TINAG: variants seen among roughly 807,000 people sequenced by gnomAD.
The protein encoded by TINAG is tubulointerstitial nephritis antigen.
A neutral mutation model predicts 72.7 loss-of-function variants in TINAG; 83 were observed. The ratio of observed to expected loss-of-function variants is 1.14; its 90% confidence interval spans 0.96 to 1.37. The LOEUF (loss-of-function observed/expected upper bound fraction) is 1.37. TINAG is among the 40% of genes most tolerant of loss of function. The pLI is 0.00. For synonymous variants in TINAG, 234 were observed against 189.9 expected, an observed-to-expected ratio of 1.23 and a Z score of -1.91; for missense variants, 685 against 576.6, an observed-to-expected ratio of 1.19 and a Z score of -1.93.
Position 54,338,915 on chromosome 6 carries a change from AT to A in TINAG, c.625-4307del, listed in dbSNP as rs1784933150. Among the ~76,000 whole-genome samples the A allele has an allele frequency of 3.9e-5, 6 of 152,006 alleles. No homozygotes were observed. The South Asian group carries it at 1.2e-3, about 31-fold the overall frequency. On this transcript the variant is annotated intron_variant, in intron 4 of 10. Transcript: ENST00000259782. ...ACACTGCAGTGAAGACAAAAATCTA[AT>A]TTTCAAAACCGGTGTTTCTCAGAAC...
At chr6:54,386,050 C>T (rs1224887179) in intron 10 of TINAG, among the ~76,000 whole-genome samples, 2 of 151,868 alleles carry the variant, frequency 1.3e-5, no homozygotes, top group Admixed American at 6.6e-5. Context: ...CGCCACCACA[C>T]CTGGCTAATA....
chr6:54,376,757 C>A (rs1415008859), intron 9 of TINAG, among the ~76,000 whole-genome samples: 1 of 152,092 alleles, frequency 6.6e-6, no homozygotes, highest in Non-Finnish European at 1.5e-5. Flanking sequence ...ATACCTTACT[C>A]TGCAGGAACT....
In TINAG at chr6:54,308,684, C is replaced by T. The variant is rs1307511143; in HGVS notation, c.134C>T (p.Thr45Ile). ...AGGAATCACACCGTTTTGCAAGGTA[C>T]TCGATTCAAAAGAGCCATTTTCCAA... The part of the protein sequence containing the change: ...FTRNHTVLQG[T>I]RFKRAIFQGQ... The change falls in exon 1 of 11, where the codon ACT (threonine) becomes ATT (isoleucine). Residue 45 changes from threonine (T) to isoleucine (I), a missense_variant. Transcript: ENST00000259782. 1.2e-6 allele frequency: 2 copies of T among 1,613,682 alleles called. No individual in the cohort carries two copies. Among genetic ancestry groups the T allele is most frequent in the East Asian group, 2.2e-5 (1 of 44,874 alleles).
At chr6:54,344,910 A>C (rs1346886822) in intron 5 of TINAG, among the ~76,000 whole-genome samples, 2 of 152,210 alleles carry the variant, frequency 1.3e-5, no homozygotes, top group Admixed American at 6.6e-5. Flanking sequence ...GATCTAAAAA[A>C]TTACGTCGAG....
chr6:54,387,154 A>C (rs1764121165), intron 10 of TINAG, among the ~76,000 whole-genome samples: 1 of 152,200 alleles, frequency 6.6e-6, no homozygotes, highest in Non-Finnish European at 1.5e-5. Context: ...CCATGTGAAA[A>C]GATGGTCAAT....
At chr6:54,382,761 A>C (rs1763988537) in intron 10 of TINAG, among the ~76,000 whole-genome samples, 1 of 152,130 alleles carries the variant, frequency 6.6e-6, no homozygotes, top group Admixed American at 6.6e-5. Context: ...TTGTCTACAC[A>C]GGTAGCAGTG....
At chr6:54,385,164 CA>C (rs941618583) in intron 10 of TINAG, among the ~76,000 whole-genome samples, 176 of 148,554 alleles carry the variant, frequency 1.2e-3, no homozygotes, top group African/African-American at 4.0e-3. Flanking sequence ...AACAGAAAAG[CA>C]AAAAAAAGTA....
intron 10 of TINAG, among the ~76,000 whole-genome samples, chr6:54,386,444 T>C (rs1764102302): frequency 6.6e-6 from 1 of 152,104 alleles, no homozygotes; most frequent in South Asian, 2.1e-4. Context: ...CACGTGGTTG[T>C]TGGTAGACGT....
At chr6:54,350,328 G>C (rs1043666543) in intron 7 of TINAG, among the ~76,000 whole-genome samples, 52 of 152,068 alleles carry the variant, frequency 3.4e-4, no homozygotes, top group South Asian at 1.0e-3. Context: ...TAGTTTGTCT[G>C]TTAAAAGCCT....
At chr6:54,334,993 G>A (rs1399767412) in intron 4 of TINAG, among the ~76,000 whole-genome samples, 2 of 151,850 alleles carry the variant, frequency 1.3e-5, no homozygotes, top group African/African-American at 4.8e-5. Flanking sequence ...TACCCAGTGA[G>A]AAAAAATAGT....
chr6:54,353,167 T>C (rs1163615698), intron 8 of TINAG, among the ~76,000 whole-genome samples: 1 of 151,846 alleles, frequency 6.6e-6, no homozygotes, highest in Non-Finnish European at 1.5e-5. Context: ...TATGGTGGCT[T>C]CTCATCCTTT....
At chr6:54,351,315 T>A in intron 7 of TINAG, 37 bp from the exon 8 acceptor site, 1 of 1,569,808 alleles carries the variant, frequency 6.4e-7, no homozygotes, top group Non-Finnish European at 8.8e-7. Flanking sequence ...TATGCTCTGA[T>A]AACAATGATA....
upstream of TINAG, chr6:54,308,425 A>T: frequency 1.3e-6 from 1 of 741,846 alleles, no homozygotes. Flanking sequence ...CATTCAAGTA[A>T]AGGATCAGTT....
intron 8 of TINAG, among the ~76,000 whole-genome samples, chr6:54,352,713 T>C (rs1161286533): frequency 2.0e-5 from 3 of 151,612 alleles, no homozygotes; most frequent in African/African-American, 7.3e-5. Context: ...GTATTATTGT[T>C]TCAAGTGTTT....
intron 3 of TINAG, among the ~76,000 whole-genome samples, chr6:54,323,050 G>A (rs1582701013): frequency 6.6e-6 from 1 of 152,178 alleles, no homozygotes; most frequent in East Asian, 1.9e-4. Flanking sequence ...TTAGGTTGGT[G>A]CAAAACTCCA....
At chr6:54,311,835 C>A (rs1338081625) in intron 1 of TINAG, among the ~76,000 whole-genome samples, 2 of 152,096 alleles carry the variant, frequency 1.3e-5, no homozygotes, top group Non-Finnish European at 1.5e-5. Flanking sequence ...CAAAAAACTT[C>A]AGCTAGAATT....
intron 4 of TINAG, among the ~76,000 whole-genome samples, chr6:54,333,600 A>G (rs935594513): frequency 5.3e-5 from 8 of 152,086 alleles, no homozygotes; most frequent in Non-Finnish European, 1.2e-4. Context: ...CATGTATCCC[A>G]GAACTTGAAG....
At chr6:54,377,536 G>T (rs1763817473) in intron 9 of TINAG, among the ~76,000 whole-genome samples, 1 of 142,458 alleles carries the variant, frequency 7.0e-6, no homozygotes, top group African/African-American at 2.6e-5. Flanking sequence ...AAATAAATAA[G>T]AAATAACTTC....
intron 9 of TINAG, among the ~76,000 whole-genome samples, chr6:54,362,200 C>G (rs988831585): frequency 6.6e-6 from 1 of 151,678 alleles, no homozygotes; most frequent in African/African-American, 2.4e-5. Context: ...AAGATGCCAT[C>G]CAGGACTTTT....
Sources: allele counts gnomAD v4.1 joint callset (sites outside exome capture counted in the v4.1 genomes callset), GRCh38; gene constraint gnomAD v4.1.1; transcripts MANE v1.5; gene names NCBI Gene and HGNC (gene_info 2026-07-23, HGNC 2026-07-21).